ATG7: variants seen among roughly 807,000 people sequenced by gnomAD.
ATG7 encodes the protein ubiquitin-like modifier-activating enzyme ATG7.
A neutral mutation model predicts 82.4 loss-of-function variants in ATG7; 70 were observed. The ratio of observed to expected loss-of-function variants is 0.85; its 90% CI spans 0.70 to 1.04. The LOEUF is 1.04. Ranked by LOEUF, ATG7 falls within the 50% of genes least tolerant of loss-of-function variation. The probability of loss-of-function intolerance (pLI) is 0.00; values close to 1 mark genes in which losing one functional copy is unlikely to be tolerated. For synonymous variants in ATG7, 287 were observed against 313.0 expected, an observed-to-expected ratio of 0.92 and a Z score of 0.88; for missense variants, 792 against 864.3, an observed-to-expected ratio of 0.92 and a Z score of 1.05.
intron 14 of ATG7, among the ~76,000 whole-genome samples, chr3:11,352,322 G>A (rs927591312): frequency 8.5e-5 from 13 of 152,204 alleles, no homozygotes; most frequent in Admixed American, 7.2e-4. Flanking sequence ...ATGTGTGCAT[G>A]TGTCTTTATA....
chr3:11,397,772 T>A (rs1224059939), intron 19 of ATG7, among the ~76,000 whole-genome samples: 5 of 154 alleles, frequency 0.032, no homozygotes, highest in Non-Finnish European at 0.051. Context: ...AAATGATTTA[T>A]AATCACAAGT....
At chr3:11,310,148 G>A (rs1332274190) in intron 7 of ATG7, among the ~76,000 whole-genome samples, 1 of 151,302 alleles carries the variant, frequency 6.6e-6, no homozygotes, top group Non-Finnish European at 1.5e-5. Flanking sequence ...CTGGACAACA[G>A]AGTGAGACCC....
chr3:11,531,416 A>G (rs1177195601), intron 20 of ATG7, among the ~76,000 whole-genome samples: 1 of 152,186 alleles, frequency 6.6e-6, no homozygotes, highest in Non-Finnish European at 1.5e-5. Flanking sequence ...TGGCAAGGCA[A>G]AGCACCTTCC....
At chr3:11,297,404 C>T (rs1185282616) in intron 3 of ATG7, among the ~76,000 whole-genome samples, 1 of 152,072 alleles carries the variant, frequency 6.6e-6, no homozygotes, top group East Asian at 1.9e-4. Context: ...TGCAGAAATA[C>T]TTGTATGTCT....
At chr3:11,411,619 C>CAAAA (rs71055868) in intron 19 of ATG7, among the ~76,000 whole-genome samples, 7 of 71,756 alleles carry the variant, frequency 9.8e-5, no homozygotes, top group African/African-American at 1.8e-4. Flanking sequence ...ACTCTGTCTC[C>CAAAA]AAAAAAAAAA....
At chr3:11,554,750 C>G in intron 20 of ATG7, 61 bp from the exon 21 acceptor site, 1 of 1,597,828 alleles carries the variant, frequency 6.3e-7, no homozygotes, top group Non-Finnish European at 8.5e-7. Flanking sequence ...TTTGAAGCAT[C>G]TGTGTGCCCC....
intron 7 of ATG7, among the ~76,000 whole-genome samples, chr3:11,309,558 CAT>C (rs367818553): frequency 6.6e-6 from 1 of 151,464 alleles, no homozygotes; most frequent in African/African-American, 2.4e-5. Context: ...ATTAGGGTAA[CAT>C]GTGCTGCCCA....
chr3:11,332,053 A>C (rs1376258438), intron 10 of ATG7, among the ~76,000 whole-genome samples: 1 of 152,244 alleles, frequency 6.6e-6, no homozygotes, highest in Non-Finnish European at 1.5e-5. Context: ...AAATACCTAC[A>C]TAGATAGAAG....
Position 11,451,870 on chromosome 3 carries a change from T to TAC in ATG7, c.2079+24958_2079+24959dup, listed in dbSNP as rs1196954957. Among the ~76,000 whole-genome samples the TAC allele has an allele frequency of 5.3e-3, 758 of 141,786 alleles. 7 individuals are homozygous for TAC. The highest frequency in any genetic ancestry group is 0.018 in the African/African-American group (683 of 38,166). 93.0% of individuals were successfully genotyped at this position (141,786 alleles called of 152,430 possible). ...CTCTATATATATATACGCCTTTACA[T>TAC]ACACACACACACACAGACACACACA... On this transcript the variant is annotated intron_variant, in intron 20 of 20. Transcript: ENST00000693202.
At chr3:11,424,925 G>T (rs2082234193) in intron 19 of ATG7, among the ~76,000 whole-genome samples, 1 of 152,002 alleles carries the variant, frequency 6.6e-6, no homozygotes. Flanking sequence ...AAAACAATTT[G>T]TGTCAGTACT....
chr3:11,488,332 G>A lies in ATG7; in HGVS notation c.2079+61406G>A, dbSNP rs866190180. Reference sequence around the variant, plus strand: ...CCCTCGGGCCCCGCGGGGTCCGTCCGCTCCTCCAGCCGCTGCCTCCCGGGC... The same window carrying A: ...CCCTCGGGCCCCGCGGGGTCCGTCCACTCCTCCAGCCGCTGCCTCCCGGGC... On this transcript the variant is annotated intron_variant, in intron 20 of 20. Transcript: ENST00000693202. The A allele has an allele frequency of 1.7e-3, 675 of 399,708 alleles. 8 individuals are homozygous for A. The highest frequency in any genetic ancestry group is 0.014 in the African/African-American group (584 of 43,102). 24.8% of individuals were successfully genotyped at this position (399,708 alleles called of 1,614,324 possible). A position where few individuals can be genotyped will look rare whatever the true frequency, so the allele number is the denominator to read the frequency against.
intron 20 of ATG7, among the ~76,000 whole-genome samples, chr3:11,519,419 A>G (rs1179471817): frequency 1.3e-5 from 2 of 151,746 alleles, no homozygotes; most frequent in East Asian, 3.9e-4. Context: ...CTTGGGATTG[A>G]CTTGAGAAGC....
intron 9 of ATG7, among the ~76,000 whole-genome samples, chr3:11,316,766 T>C (rs980405269): frequency 3.3e-5 from 5 of 152,210 alleles, no homozygotes; most frequent in African/African-American, 1.2e-4. Context: ...GGAAGTTGTC[T>C]TAGCCATACA....
intron 20 of ATG7, among the ~76,000 whole-genome samples, chr3:11,430,958 C>A (rs917453232): frequency 6.6e-6 from 1 of 152,142 alleles, no homozygotes; most frequent in Non-Finnish European, 1.5e-5. Context: ...CTAGGGCGTT[C>A]TAGACTGAAT....
intron 20 of ATG7, among the ~76,000 whole-genome samples, chr3:11,488,790 C>T (rs1249534464): frequency 6.6e-6 from 1 of 152,196 alleles, no homozygotes; most frequent in Admixed American, 6.5e-5. Context: ...TGATGTGCTG[C>T]TGGATTCGGT....
At chr3:11,532,270 G>A (rs1409421718) in intron 20 of ATG7, among the ~76,000 whole-genome samples, 2 of 152,166 alleles carry the variant, frequency 1.3e-5, no homozygotes, top group African/African-American at 4.8e-5. Context: ...ATGCATACTC[G>A]CTGATCTCAA....
intron 18 of ATG7, among the ~76,000 whole-genome samples, chr3:11,369,187 A>T (rs1018017917): frequency 2.0e-5 from 3 of 150,922 alleles, no homozygotes; most frequent in African/African-American, 7.3e-5. Flanking sequence ...AGAAATACTT[A>T]TCTCAGTGTG....
downstream of ATG7, among the ~76,000 whole-genome samples, chr3:11,562,192 C>G (rs1184388310): frequency 6.6e-6 from 1 of 152,212 alleles, no homozygotes; most frequent in Non-Finnish European, 1.5e-5. Context: ...CCACTGTGCC[C>G]AGCCCTCAAT....
chr3:11,527,466 G>A (rs914559178), intron 20 of ATG7, among the ~76,000 whole-genome samples: 1 of 152,090 alleles, frequency 6.6e-6, no homozygotes, highest in Admixed American at 6.5e-5. Flanking sequence ...CTGTCCCTGG[G>A]TAACTATTTA....
Sources: allele counts gnomAD v4.1 joint callset (sites outside exome capture counted in the v4.1 genomes callset), GRCh38; gene constraint gnomAD v4.1.1; transcripts MANE v1.5; gene names NCBI Gene and HGNC (gene_info 2026-07-23, HGNC 2026-07-21).